Variants in CCDC91 observed in about 807,000 individuals in gnomAD.
CCDC91 encodes coiled-coil domain containing 91.
Under a neutral mutation model 63.2 loss-of-function variants are expected in CCDC91, and 48 were observed. That is an observed-to-expected ratio of 0.76 (90% CI 0.60 to 0.97). The LOEUF is 0.97. Ranked by LOEUF, CCDC91 falls within the 50% of genes least tolerant of loss-of-function variation. The pLI, the probability that CCDC91 is intolerant of heterozygous loss-of-function variation, is 0.00. For missense variants in CCDC91, 500 were observed against 494.6 expected, an observed-to-expected ratio of 1.01 and a Z score of -0.10; for synonymous variants, 167 against 165.8, an observed-to-expected ratio of 1.01 and a Z score of -0.06.
intron 8 of CCDC91, among the ~76,000 whole-genome samples, chr12:28,404,587 G>A (rs1946821532): frequency 6.6e-6 from 1 of 151,990 alleles, no homozygotes; most frequent in South Asian, 2.1e-4. Flanking sequence ...AGAAGTGGGG[G>A]CAATTGAAGT....
intron 11 of CCDC91, among the ~76,000 whole-genome samples, chr12:28,472,274 C>A (rs1360883777): frequency 1.3e-5 from 2 of 152,082 alleles, no homozygotes; most frequent in African/African-American, 2.4e-5. Flanking sequence ...CCAGCCAAGA[C>A]AAAAAAGAAC....
At chr12:28,394,477 C>CAAAAA (rs554990076) in intron 8 of CCDC91, among the ~76,000 whole-genome samples, 1 of 142,952 alleles carries the variant, frequency 7.0e-6, no homozygotes, top group African/African-American at 2.6e-5. Context: ...AACAAACAAA[C>CAAAAA]AAAAAAAAAA....
At chr12:28,391,248 A>G in intron 7 of CCDC91, 56 bp from the exon 8 acceptor site, 3 of 979,064 alleles carry the variant, frequency 3.1e-6, no homozygotes, top group South Asian at 2.7e-5. Context: ...TCTCGTGCCA[A>G]CAGTAGATTC....
At position 28,357,028 on chromosome 12, in the gene CCDC91, A is replaced by G. The variant is rs191373181; in HGVS notation, c.577-5410A>G. On this transcript the variant is annotated intron_variant, in intron 6 of 12. Coordinates refer to ENST00000536442, the MANE Select transcript of CCDC91 (RefSeq NM_018318.5). Reference sequence around the variant, plus strand: ...TTAATTTCTTAGAAGTGATTAGTAGAGGTTCTACTTGGCTTGGCAATTGCC... The same window carrying G: ...TTAATTTCTTAGAAGTGATTAGTAGGGGTTCTACTTGGCTTGGCAATTGCC... Among the ~76,000 whole-genome samples the G allele has an allele frequency of 3.4e-4, 52 of 152,304 alleles. 3 individuals carry two copies. In the East Asian group the frequency reaches 9.8e-3, roughly 29 times the overall value.
chr12:28,332,812 C>T (rs1380923848), intron 6 of CCDC91, among the ~76,000 whole-genome samples: 1 of 151,938 alleles, frequency 6.6e-6, no homozygotes, highest in Non-Finnish European at 1.5e-5. Flanking sequence ...TGGCCAACAG[C>T]GCTGTAACTC....
intron 6 of CCDC91, among the ~76,000 whole-genome samples, chr12:28,348,399 G>A (rs534433285): frequency 7.9e-5 from 12 of 152,166 alleles, no homozygotes; most frequent in African/African-American, 1.2e-4. Flanking sequence ...CAGTGCCCGC[G>A]TACCCACTCA....
At chr12:28,542,877 G>T (rs186846493) in intron 12 of CCDC91, among the ~76,000 whole-genome samples, 7 of 152,092 alleles carry the variant, frequency 4.6e-5, no homozygotes, top group Non-Finnish European at 8.8e-5. Flanking sequence ...TGATATATGA[G>T]GACCTTAACA....
intron 3 of CCDC91, among the ~76,000 whole-genome samples, chr12:28,275,498 A>G (rs995657899): frequency 6.6e-6 from 1 of 152,110 alleles, no homozygotes; most frequent in Non-Finnish European, 1.5e-5. Context: ...CAACCAAAAA[A>G]AGTCCAGGAC....
chr12:28,302,613 G>C (rs1247901224), intron 3 of CCDC91: 4 of 982,748 alleles, frequency 4.1e-6, no homozygotes, highest in Admixed American at 6.2e-5. Flanking sequence ...CTCTGACGGG[G>C]CAGAGTCAGG....
intron 1 of CCDC91, among the ~76,000 whole-genome samples, chr12:28,220,798 C>T (rs868119515): frequency 2.0e-4 from 30 of 152,126 alleles, no homozygotes; most frequent in Middle Eastern, 3.4e-3. Context: ...GGCAATAAGC[C>T]TACTTTTATT....
intron 12 of CCDC91, among the ~76,000 whole-genome samples, chr12:28,511,402 C>T (rs554340804): frequency 1.1e-4 from 17 of 151,970 alleles, no homozygotes; most frequent in South Asian, 4.1e-4. Context: ...AAAATAACTG[C>T]ATATTATCCT....
chr12:28,492,935 T>C (rs1286250549), intron 12 of CCDC91, among the ~76,000 whole-genome samples: 1 of 151,624 alleles, frequency 6.6e-6, no homozygotes, highest in Non-Finnish European at 1.5e-5. Context: ...TTCAGCAATA[T>C]AGGCTCCCAG....
At chr12:28,475,531 C>T (rs1951036624) in intron 11 of CCDC91, among the ~76,000 whole-genome samples, 1 of 152,028 alleles carries the variant, frequency 6.6e-6, no homozygotes, top group Non-Finnish European at 1.5e-5. Context: ...AGTAAATTAA[C>T]TTTGGCCTTG....
intron 6 of CCDC91, among the ~76,000 whole-genome samples, chr12:28,330,946 T>C (rs561974534): frequency 6.6e-6 from 1 of 152,180 alleles, no homozygotes; most frequent in South Asian, 2.1e-4. Flanking sequence ...TGAGAAGAGA[T>C]TGTCATCACA....
chr12:28,507,295 C>A (rs568188729), intron 12 of CCDC91, among the ~76,000 whole-genome samples: 3 of 152,042 alleles, frequency 2.0e-5, no homozygotes, highest in East Asian at 3.9e-4. Flanking sequence ...ACTTTTGTAA[C>A]CTTGGCATAA....
At chr12:28,247,463 G>C (rs1565667936) in intron 1 of CCDC91, among the ~76,000 whole-genome samples, 1 of 134,872 alleles carries the variant, frequency 7.4e-6, no homozygotes, top group Non-Finnish European at 1.5e-5. Flanking sequence ...CTGGGTGAGA[G>C]ACCAAGACTC....
intron 12 of CCDC91, among the ~76,000 whole-genome samples, chr12:28,509,939 G>A (rs191073219): frequency 6.6e-6 from 1 of 151,866 alleles, no homozygotes; most frequent in Non-Finnish European, 1.5e-5. Context: ...TTTCTGAACT[G>A]GTAATAGTTT....
intron 7 of CCDC91, among the ~76,000 whole-genome samples, chr12:28,386,018 C>T (rs1441230877): frequency 6.6e-6 from 1 of 152,134 alleles, no homozygotes; most frequent in Non-Finnish European, 1.5e-5. Flanking sequence ...AATTTATAGT[C>T]CTTCACACTA....
rs567709761 is a variant in CCDC91 at position 28,510,239 on chromosome 12, G to A, written c.1215+26074G>A. On this transcript the variant is annotated intron_variant, in intron 12 of 12. Transcript: ENST00000536442. ...CAGAGAGACAGAGTCAATAGGGCAT[G>A]TGTGTGTGTGTGTGTGTGTAGAAAG... Among the ~76,000 whole-genome samples, 32 of 150,482 alleles carry A rather than the reference G, an allele frequency of 2.1e-4. No individual in the cohort carries two copies. The East Asian group carries it at 6.1e-3, about 29-fold the overall frequency.
Sources: gnomAD v4.1 joint callset for allele counts (sites outside exome capture counted in the v4.1 genomes callset) on GRCh38, gnomAD v4.1.1 for gene constraint, MANE v1.5 for transcripts, NCBI Gene and HGNC (gene_info 2026-07-23, HGNC 2026-07-21) for gene names.